RAC2: variants seen among roughly 807,000 people sequenced by gnomAD.
RAC2 encodes Rac family small GTPase 2, also known as ras-related C3 botulinum toxin substrate 2.
RAC2 carries 1 observed loss-of-function variant against 24.0 expected under a neutral mutation model. The observed-to-expected ratio is 0.04, with a 90% confidence interval of 0.01 to 0.20. RAC2 has a LOEUF of 0.20. RAC2 is among the 10% of genes least tolerant of loss of function. The pLI, the probability that RAC2 is intolerant of heterozygous loss-of-function variation, is 1.00. For missense variants in RAC2, 130 were observed against 259.1 expected, an observed-to-expected ratio of 0.50 and a Z score of 3.42; for synonymous variants, 114 against 106.8, an observed-to-expected ratio of 1.07 and a Z score of -0.41.
intron 2 of RAC2, among the ~76,000 whole-genome samples, chr22:37,236,163 A>T (rs1203759239): frequency 2.6e-5 from 4 of 152,212 alleles, no homozygotes; most frequent in Non-Finnish European, 5.9e-5. Flanking sequence ...TCTTGGAGCC[A>T]TTAGGAGAAT....
At chr22:37,239,352 G>A (rs1569092102) in intron 2 of RAC2, among the ~76,000 whole-genome samples, 1 of 152,216 alleles carries the variant, frequency 6.6e-6, no homozygotes, top group Non-Finnish European at 1.5e-5. Context: ...TTCTGAGCAT[G>A]GGGCCCTGTG....
intron 2 of RAC2, among the ~76,000 whole-genome samples, chr22:37,240,354 C>T (rs1039973859): frequency 6.6e-6 from 1 of 152,244 alleles, no homozygotes; most frequent in African/African-American, 2.4e-5. Flanking sequence ...TGGACAGGAC[C>T]GTGTAAGCCT....
In RAC2 at chr22:37,231,944, G is replaced by A. The variant is rs768931430; in HGVS notation, c.276C>T (p.Asn92=). 53 of 1,552,166 alleles carry A rather than the reference G, an allele frequency of 3.4e-5. No homozygotes were observed. The highest frequency in any genetic ancestry group is 2.9e-4 in the Admixed American group (15 of 51,080). Residue 92 remains asparagine, a synonymous_variant, in exon 4 of 7, where the codon AAC becomes AAT. Transcript: ENST00000249071. This position sits in a 1 kb window ranked among gnomAD's most constrained non-coding sequence, Gnocchi z 5.5. ...CTGTCCAGCTCACCTTGGCGCGGACGTTCTCATAAGAGGCTGGGCTGACGA... is the reference window on the plus strand; with the variant it reads ...CTGTCCAGCTCACCTTGGCGCGGACATTCTCATAAGAGGCTGGGCTGACGA... ...FSLVSPASYE[N]VRAKWFPEVR... is the part of the protein sequence containing the mutation.
At chr22:37,237,182 C>T (rs1031805392) in intron 2 of RAC2, among the ~76,000 whole-genome samples, 2 of 132,582 alleles carry the variant, frequency 1.5e-5, no homozygotes, top group African/African-American at 5.6e-5. Flanking sequence ...AGCGAGACTC[C>T]GTCAGGAAGG....
At chr22:37,241,839 T>G (rs564580319) in intron 1 of RAC2, among the ~76,000 whole-genome samples, 181 bp from the exon 2 acceptor site, 1 of 152,244 alleles carries the variant, frequency 6.6e-6, no homozygotes, top group South Asian at 2.1e-4. Context: ...GCAAGTCATG[T>G]GGATGTTTGT....
chr22:37,239,619 C>A (rs1927330260), intron 2 of RAC2, among the ~76,000 whole-genome samples: 5 of 152,174 alleles, frequency 3.3e-5, no homozygotes, highest in Admixed American at 3.3e-4. Context: ...GGGGAAGGAG[C>A]TTGGGACTTC....
intron 1 of RAC2, among the ~76,000 whole-genome samples, chr22:37,243,315 A>C (rs1927462372): frequency 6.6e-6 from 1 of 152,188 alleles, no homozygotes; most frequent in Non-Finnish European, 1.5e-5. Flanking sequence ...CTGTCATTTT[A>C]CAGATGAGGA....
rs945351046 is a variant in RAC2, at chr22:37,231,866, G to T, written c.288+66C>A. 5 of 1,519,268 alleles carry T rather than the reference G, an allele frequency of 3.3e-6. No homozygotes were observed. The highest frequency in any genetic ancestry group is 4.5e-6 in the Non-Finnish European group (5 of 1,118,576). The allele number at this position is 1,519,268 out of a possible 1,614,324, so 94.1% of individuals were successfully genotyped here. ...CCCAGGGACCAGCCTAGAGTCACCA[G>T]TTCCTCCCTCTGTCCCTCAGGGTTA... On this transcript the variant is annotated intron_variant, in intron 4 of 6. Coordinates refer to ENST00000249071, the MANE Select transcript of RAC2 (RefSeq NM_002872.5). The surrounding 1 kb of genome is among the most constrained non-coding windows in gnomAD (Gnocchi z 5.5).
At chr22:37,241,207 C>T (rs1219556854) in intron 2 of RAC2, 2 of 773,868 alleles carry the variant, frequency 2.6e-6, no homozygotes, top group Non-Finnish European at 4.8e-6. Flanking sequence ...TGCCTTGTCC[C>T]CAGGTGTCCC....
At chr22:37,241,695 G>C (rs770734512) in intron 1 of RAC2, 37 bp from the exon 2 acceptor site, 2 of 1,576,256 alleles carry the variant, frequency 1.3e-6, no homozygotes, top group Non-Finnish European at 1.7e-6. Context: ...GGCGGTCATG[G>C]GCTCTGCCGG....
Position 37,226,822 on chromosome 22 carries a change from A to G in RAC2, c.449-19T>C. On this transcript the variant is annotated intron_variant, in intron 5 of 6. Coordinates refer to ENST00000249071, the MANE Select transcript of RAC2 (RefSeq NM_002872.5). ...ACCGAGTCTGGTTGGGGAGATGGAC[A>G]GGAGAGCCAAGGCCTAAGTGGCGGG... is the stretch of plus-strand genomic sequence containing the variant. 1 of 1,609,510 alleles carries G rather than the reference A, an allele frequency of 6.2e-7. No individual in the cohort carries two copies. The highest frequency in any genetic ancestry group is 8.5e-7 in the Non-Finnish European group (1 of 1,178,808).
chr22:37,231,652 G>A lies in RAC2; in HGVS notation c.289-262C>T. On this transcript the variant is annotated intron_variant, in intron 4 of 6. Transcript: ENST00000249071. This position sits in a 1 kb window ranked among gnomAD's most constrained non-coding sequence, Gnocchi z 5.5. ...TTGTGCAGACATAAGAAGCAAACAT[G>A]AGGTTATGTGACAATCGGAGGCGGA... The A allele has an allele frequency of 3.3e-6, 2 of 604,666 alleles. No individual in the cohort carries two copies. The highest frequency in any genetic ancestry group is 3.9e-5 in the South Asian group (2 of 50,792). The allele number at this position is 604,666 out of a possible 1,614,324, so 37.5% of individuals were successfully genotyped here. A position where few individuals can be genotyped will look rare whatever the true frequency, so the allele number is the denominator to read the frequency against.
Position 37,233,914 on chromosome 22 carries a change from C to T in RAC2, c.108-996G>A, listed in dbSNP as rs371289893. ...CAGGGAAAGAGGGCTGCTTCCGGGG[C>T]CTTTCAGCCCACCCCAGAGTGTGCG... On this transcript the variant is annotated intron_variant, in intron 2 of 6. Transcript: ENST00000249071. Among the ~76,000 whole-genome samples, 7 of 152,152 alleles carry T rather than the reference C, an allele frequency of 4.6e-5. No homozygotes were observed. The East Asian group carries it at 9.7e-4, about 21-fold the overall frequency.
chr22:37,232,409 C>A (rs1346679945), intron 3 of RAC2: 1 of 420,258 alleles, frequency 2.4e-6, no homozygotes, highest in South Asian at 2.2e-5. Flanking sequence ...TCCCTGCATA[C>A]CCTGGAGGAA....
rs1064498 is a variant in RAC2 at position 37,226,775 on chromosome 22, A to T, written c.477T>A (p.Ala159=). 2 of 1,612,342 alleles carry T rather than the reference A, an allele frequency of 1.2e-6. No homozygotes were observed. The highest frequency in any genetic ancestry group is 2.2e-5 in the East Asian group (1 of 44,830). The part of the protein sequence containing the change: ...IDSVKYLECS[A]LTQRGLKTVF... ...CGGTTTTCAGGCCTCTCTGGGTGAG[A>T]GCTGAGCACTCCAGGTATTTCACCG... Residue 159 remains alanine (A), a synonymous_variant, in exon 6 of 7, where the codon GCT becomes GCA. Transcript: ENST00000249071.
intron 2 of RAC2, among the ~76,000 whole-genome samples, chr22:37,239,182 G>A (rs1162440656): frequency 1.3e-5 from 2 of 152,200 alleles, no homozygotes; most frequent in Admixed American, 6.5e-5. Context: ...CTCGTCTGGG[G>A]CTGAGAAACT....
intron 5 of RAC2, among the ~76,000 whole-genome samples, chr22:37,227,736 T>TG (rs1485214539): frequency 7.2e-6 from 1 of 137,976 alleles, no homozygotes; most frequent in East Asian, 2.2e-4. Context: ...CACCAGGCTC[T>TG]GGGGGCCGCC....
At chr22:37,241,035 A>G (rs1927372171) in intron 2 of RAC2, 1 of 718,432 alleles carries the variant, frequency 1.4e-6, no homozygotes, top group Non-Finnish European at 2.6e-6. Context: ...GGGACCCCTG[A>G]GGGCTGGCCA....
chr22:37,240,720 T>C (rs1202795901), intron 2 of RAC2: 1 of 407,528 alleles, frequency 2.5e-6, no homozygotes, highest in Non-Finnish European at 4.6e-6. Flanking sequence ...AAAGTCACTC[T>C]GGGGAGTGGA....
Sources: allele counts gnomAD v4.1 joint callset (sites outside exome capture counted in the v4.1 genomes callset), GRCh38; gene constraint gnomAD v4.1.1; non-coding constraint Gnocchi (gnomAD v3.1); transcripts MANE v1.5; gene names NCBI Gene and HGNC (gene_info 2026-07-23, HGNC 2026-07-21).